INTS3: variants seen among roughly 807,000 people sequenced by gnomAD.
The protein encoded by INTS3 is SOSS complex subunit A.
In INTS3, 34 loss-of-function variants were observed where a neutral mutation model predicts 146.3. The observed-to-expected ratio is 0.23, with a 90% CI of 0.18 to 0.31. The LOEUF (loss-of-function observed/expected upper bound fraction) is 0.31. Among genes scored for constraint, INTS3 ranks in the 10% least tolerant of loss-of-function variants. The pLI is 1.00. For missense variants in INTS3, 757 were observed against 1,304.2 expected (o/e 0.58, Z 6.46); for synonymous variants, 475 against 494.9 (o/e 0.96, Z 0.53).
intron 3 of INTS3, among the ~76,000 whole-genome samples, chr1:153,746,183 G>A (rs1265495564): frequency 6.6e-6 from 1 of 152,208 alleles, no homozygotes; most frequent in Non-Finnish European, 1.5e-5. Context: ...ATCTGACTGG[G>A]TCAGTACTGG....
chr1:153,761,991 A>G (rs1047864135), intron 14 of INTS3, among the ~76,000 whole-genome samples: 4 of 152,220 alleles, frequency 2.6e-5, no homozygotes, highest in Non-Finnish European at 4.4e-5. Flanking sequence ...TAACTTGCCC[A>G]TCTCTCTTCC....
Position 153,763,218 on chromosome 1 carries a change from A to C in INTS3, c.1637-15A>C, listed in dbSNP as rs1241782861. The C allele has an allele frequency of 6.2e-7, 1 of 1,614,060 alleles. No individual in the cohort carries two copies. Among genetic ancestry groups the C allele is most frequent in the African/African-American group, 1.3e-5 (1 of 74,922 alleles). On this transcript the variant is annotated splice_polypyrimidine_tract_variant and intron_variant, in intron 15 of 29. Coordinates refer to ENST00000318967, the MANE Select transcript of INTS3 (RefSeq NM_023015.5). ...TCTGGGCAAACTGACTTCTTTCCCA[A>C]ATCACTCCCTTTAGGAAAGAAGAGG...
intron 3 of INTS3, among the ~76,000 whole-genome samples, chr1:153,744,687 C>T (rs1671659370): frequency 6.6e-6 from 1 of 152,160 alleles, no homozygotes; most frequent in African/African-American, 2.4e-5. Flanking sequence ...TCTCTCAAGG[C>T]TAGAGAGCAG....
rs1673037620 is a variant in INTS3 at position 153,774,093 on chromosome 1, T to C, written c.*823T>C. 6.4e-6 allele frequency: 1 copy of C among 156,074 alleles called. No homozygotes were observed. The highest frequency in any genetic ancestry group is 2.1e-4 in the South Asian group (1 of 4,808). The allele number at this position is 156,074 out of a possible 1,614,324, so 9.7% of individuals were successfully genotyped here. ...AGCCAGAATGTCTTTTGTGCTGGAG[T>C]GTCTGCTGGCATTTGCCCCGTGCAT... On this transcript the variant is annotated 3_prime_UTR_variant, in exon 30 of 30. Transcript: ENST00000318967.
intron 1 of INTS3, among the ~76,000 whole-genome samples, chr1:153,738,484 AT>A (rs1201794057): frequency 6.6e-6 from 1 of 152,182 alleles, no homozygotes; most frequent in African/African-American, 2.4e-5. Flanking sequence ...GAGTTTATGC[AT>A]TTTTGGCAAG....
At position 153,754,607 on chromosome 1, in the gene INTS3, T is replaced by A. The variant is rs769822953; in HGVS notation, c.860-35T>A. ...CTTTCATTCTTTCTGGTCCTTAGGC[T>A]TCCTCTTTTCTCTTCCCTTCCACAT... On this transcript the variant is annotated intron_variant, in intron 8 of 29. Transcript: ENST00000318967. 5 of 1,414,884 alleles carry A rather than the reference T, an allele frequency of 3.5e-6. No individual in the cohort carries two copies. In the South Asian group the frequency reaches 5.8e-5, roughly 16 times the overall value. 87.6% of individuals were successfully genotyped at this position (1,414,884 alleles called of 1,614,324 possible). A position where few individuals can be genotyped will look rare whatever the true frequency, so the allele number is the denominator to read the frequency against.
At chr1:153,759,711 G>T (rs1267051578) in intron 11 of INTS3, 98 bp downstream of exon 11, 2 of 770,396 alleles carry the variant, frequency 2.6e-6, no homozygotes, top group South Asian at 1.5e-5. Flanking sequence ...GCACCGTGGA[G>T]TGGAGGCAGT....
intron 8 of INTS3, chr1:153,753,840 A>G (rs1201930608): frequency 1.3e-5 from 2 of 151,862 alleles, no homozygotes; most frequent in Non-Finnish European, 1.5e-5. Flanking sequence ...ATTTTTGTAG[A>G]GATGGAGTTT....
chr1:153,768,813 G>C, intron 21 of INTS3, 80 bp from the exon 22 acceptor site: 1 of 1,104,402 alleles, frequency 9.1e-7, no homozygotes, highest in Non-Finnish European at 1.4e-6. Flanking sequence ...ACCTTGAGAT[G>C]TAATAAGGAA....
intron 3 of INTS3, among the ~76,000 whole-genome samples, chr1:153,746,348 G>T (rs961644196): frequency 1.9e-4 from 29 of 152,196 alleles, no homozygotes; most frequent in Admixed American, 1.5e-3. Flanking sequence ...GATGGGAAGT[G>T]GGGGGGACAG....
At chr1:153,768,747 G>C in intron 21 of INTS3, 146 bp from the exon 22 acceptor site, 2 of 638,592 alleles carry the variant, frequency 3.1e-6, no homozygotes, top group South Asian at 3.7e-5. Flanking sequence ...CATCATAGCT[G>C]TTGGATCTCT....
intron 11 of INTS3, chr1:153,759,894 C>T: frequency 1.9e-6 from 1 of 522,172 alleles, no homozygotes; most frequent in Non-Finnish European, 3.4e-6. Flanking sequence ...TCCTGCTTCT[C>T]CTCACCTATT....
intron 20 of INTS3, among the ~76,000 whole-genome samples, 156 bp downstream of exon 20, chr1:153,765,219 C>T (rs1672532187): frequency 6.6e-6 from 1 of 152,198 alleles, no homozygotes; most frequent in Non-Finnish European, 1.5e-5. Flanking sequence ...CAGCATCTCA[C>T]TCTGTCACCT....
chr1:153,735,741 G>A (rs921327334), intron 1 of INTS3, among the ~76,000 whole-genome samples: 4 of 152,136 alleles, frequency 2.6e-5, no homozygotes, highest in Non-Finnish European at 4.4e-5. Context: ...GATGATTTTT[G>A]AGACAGGGCC....
At chr1:153,759,668 C>T in intron 11 of INTS3, 55 bp downstream of exon 11, 1 of 1,122,594 alleles carries the variant, frequency 8.9e-7, no homozygotes, top group Non-Finnish European at 1.4e-6. Context: ...GCCCCCACTG[C>T]CTTCCTTAGT....
At chr1:153,758,437 C>T (rs970831070) in intron 10 of INTS3, among the ~76,000 whole-genome samples, 2 of 152,196 alleles carry the variant, frequency 1.3e-5, no homozygotes, top group Non-Finnish European at 2.9e-5. Flanking sequence ...TGCCTCAGCT[C>T]AGGGGTGATG....
chr1:153,751,982 C>T, intron 7 of INTS3: 1 of 355,860 alleles, frequency 2.8e-6, no homozygotes, highest in Non-Finnish European at 5.1e-6. Context: ...AAACTTTAAT[C>T]TTCCTTGAAC....
At position 153,772,569 on chromosome 1, in the gene INTS3, G is replaced by C. The variant is rs1169707148; in HGVS notation, c.2822-70G>C. The stretch of plus-strand genomic sequence containing the variant: ...CCACACTCGGGATAAAACAACCTGT[G>C]CGTGCTGTTTAATAAGCTCCCAGAC... On this transcript the variant is annotated intron_variant, in intron 27 of 29. Coordinates refer to ENST00000318967, the MANE Select transcript of INTS3 (RefSeq NM_023015.5). This position sits in a 1 kb window ranked among gnomAD's most constrained non-coding sequence, Gnocchi z 4.6. The C allele has an allele frequency of 6.2e-7, 1 of 1,611,780 alleles. No homozygotes were observed. Among genetic ancestry groups the C allele is most frequent in the African/African-American group, 1.3e-5 (1 of 74,846 alleles).
chr1:153,734,606 A>T (rs1570833158), intron 1 of INTS3, among the ~76,000 whole-genome samples: 1 of 152,304 alleles, frequency 6.6e-6, no homozygotes, highest in South Asian at 2.1e-4. Context: ...AGCTCACGGG[A>T]GCTAGGGAAG....
Sources: gnomAD v4.1 joint callset for allele counts (sites outside exome capture counted in the v4.1 genomes callset) on GRCh38, gnomAD v4.1.1 for gene constraint, Gnocchi (gnomAD v3.1) non-coding constraint, MANE v1.5 for transcripts, NCBI Gene and HGNC (gene_info 2026-07-23, HGNC 2026-07-21) for gene names.